CNTN5: variants seen among roughly 807,000 people sequenced by gnomAD.
CNTN5 encodes contactin-5.
A neutral mutation model predicts 129.1 loss-of-function variants in CNTN5; 77 were observed. That is an observed-to-expected ratio of 0.60 (90% CI 0.50 to 0.72). The LOEUF (loss-of-function observed/expected upper bound fraction) is 0.72. Among genes scored for constraint, CNTN5 ranks in the 30% least tolerant of loss-of-function variants. The pLI is 0.00. For missense variants in CNTN5, 1,478 were observed against 1,328.8 expected (o/e 1.11, Z -1.75); for synonymous variants, 509 against 465.6 (o/e 1.09, Z -1.20).
intron 1 of CNTN5, among the ~76,000 whole-genome samples, chr11:99,107,687 T>G (rs1267944100): frequency 6.6e-6 from 1 of 151,982 alleles, no homozygotes; most frequent in African/African-American, 2.4e-5. Flanking sequence ...ATCTCAGCAC[T>G]CTGGGAGGCT....
At chr11:99,357,965 C>G (rs1314380045) in intron 2 of CNTN5, among the ~76,000 whole-genome samples, 2 of 150,190 alleles carry the variant, frequency 1.3e-5, no homozygotes, top group Non-Finnish European at 3.0e-5. Flanking sequence ...GGTCGCGCCA[C>G]TGCACTCCAG....
chr11:99,103,959 C>T (rs897942136), intron 1 of CNTN5, among the ~76,000 whole-genome samples: 3 of 152,134 alleles, frequency 2.0e-5, no homozygotes, highest in African/African-American at 7.2e-5. Context: ...TCATTTTGGT[C>T]TTCTGGCCCC....
At chr11:99,537,628 C>T (rs1947950171) in intron 2 of CNTN5, among the ~76,000 whole-genome samples, 1 of 152,140 alleles carries the variant, frequency 6.6e-6, no homozygotes, top group Non-Finnish European at 1.5e-5. Context: ...CCAACCCCAC[C>T]ATCACAACCA....
intron 13 of CNTN5, among the ~76,000 whole-genome samples, chr11:100,170,817 G>T (rs1947800411): frequency 6.6e-6 from 1 of 151,118 alleles, no homozygotes; most frequent in Non-Finnish European, 1.5e-5. Context: ...GAAAAAAAAA[G>T]AATACACTGA....
intron 13 of CNTN5, among the ~76,000 whole-genome samples, chr11:100,109,010 T>C (rs1274115408): frequency 3.3e-5 from 5 of 152,170 alleles, no homozygotes; most frequent in Non-Finnish European, 7.4e-5. Flanking sequence ...TTCAACACCC[T>C]TGACCAAATT....
chr11:100,291,969 C>T (rs2138865211), intron 18 of CNTN5, among the ~76,000 whole-genome samples: 1 of 151,936 alleles, frequency 6.6e-6, no homozygotes, highest in South Asian at 2.1e-4. Context: ...ACCTCAGCCT[C>T]AAATAAATCC....
chr11:99,722,830 T>C (rs1050094754), intron 3 of CNTN5, among the ~76,000 whole-genome samples: 8 of 151,922 alleles, frequency 5.3e-5, no homozygotes, highest in Non-Finnish European at 1.2e-4. Context: ...ATTATGTATA[T>C]GGGGCCTCCA....
intron 1 of CNTN5, among the ~76,000 whole-genome samples, chr11:99,323,583 T>C (rs1390931964): frequency 2.6e-5 from 4 of 151,938 alleles, no homozygotes; most frequent in African/African-American, 9.7e-5. Flanking sequence ...TATTTCCATA[T>C]AGTAGGGAAA....
intron 1 of CNTN5, among the ~76,000 whole-genome samples, chr11:99,318,868 A>G (rs908827248): frequency 3.3e-5 from 5 of 152,216 alleles, no homozygotes; most frequent in Non-Finnish European, 7.3e-5. Flanking sequence ...ATCAACACTT[A>G]AATTAAAAGT....
At chr11:100,192,288 T>C (rs900480298) in intron 14 of CNTN5, among the ~76,000 whole-genome samples, 1 of 152,048 alleles carries the variant, frequency 6.6e-6, no homozygotes, top group African/African-American at 2.4e-5. Context: ...AATTGTTTAC[T>C]CAGAACACTC....
chr11:99,217,543 C>T (rs1270043807), intron 1 of CNTN5, among the ~76,000 whole-genome samples: 2 of 152,076 alleles, frequency 1.3e-5, no homozygotes, highest in African/African-American at 2.4e-5. Context: ...TCTTTATGCT[C>T]GCAGGTGACA....
intron 2 of CNTN5, among the ~76,000 whole-genome samples, chr11:99,388,042 C>T (rs976896088): frequency 3.9e-5 from 6 of 152,128 alleles, no homozygotes; most frequent in African/African-American, 1.4e-4. Context: ...CCTGATTCTC[C>T]TACATATATT....
intron 2 of CNTN5, among the ~76,000 whole-genome samples, chr11:99,409,061 G>T (rs1942265735): frequency 6.6e-6 from 1 of 152,136 alleles, no homozygotes; most frequent in South Asian, 2.1e-4. Flanking sequence ...TTAGTTTGTT[G>T]TAAGTAATCT....
At chr11:99,379,703 G>A (rs1940409908) in intron 2 of CNTN5, among the ~76,000 whole-genome samples, 1 of 152,128 alleles carries the variant, frequency 6.6e-6, no homozygotes, top group Admixed American at 6.6e-5. Flanking sequence ...GCATATATGT[G>A]TATTTATGCA....
At chr11:99,902,174 C>G (rs1003559385) in intron 6 of CNTN5, among the ~76,000 whole-genome samples, 3 of 151,546 alleles carry the variant, frequency 2.0e-5, no homozygotes, top group African/African-American at 7.3e-5. Flanking sequence ...CTTTTCTACT[C>G]CTGCTAATTT....
intron 6 of CNTN5, among the ~76,000 whole-genome samples, chr11:99,886,409 G>GA (rs1379436623): frequency 2.6e-5 from 4 of 152,008 alleles, no homozygotes; most frequent in Non-Finnish European, 4.4e-5. Context: ...TTACCTAAGG[G>GA]AAAACCCATG....
intron 2 of CNTN5, among the ~76,000 whole-genome samples, chr11:99,415,561 G>T (rs1016478817): frequency 6.6e-6 from 1 of 152,132 alleles, no homozygotes; most frequent in Non-Finnish European, 1.5e-5. Context: ...AGGTTTTATG[G>T]CTGTCTTTGA....
chr11:100,132,379 C>A (rs966047329), intron 13 of CNTN5, among the ~76,000 whole-genome samples: 1 of 151,950 alleles, frequency 6.6e-6, no homozygotes, highest in Non-Finnish European at 1.5e-5. Context: ...ACTAAAAGCA[C>A]GACATATGGT....
At chr11:99,267,710 T>A (rs961757307) in intron 1 of CNTN5, among the ~76,000 whole-genome samples, 8 of 152,058 alleles carry the variant, frequency 5.3e-5, no homozygotes, top group African/African-American at 1.9e-4. Flanking sequence ...AAAACATTAA[T>A]AAGTGAATAA....
Sources: allele counts gnomAD v4.1 joint callset (sites outside exome capture counted in the v4.1 genomes callset), GRCh38; gene constraint gnomAD v4.1.1; transcripts MANE v1.5; gene names NCBI Gene and HGNC (gene_info 2026-07-23, HGNC 2026-07-21).